ZCWPW2: variants seen among roughly 807,000 people sequenced by gnomAD.
The protein encoded by ZCWPW2 is zinc finger CW-type PWWP domain protein 2.
Under a neutral mutation model 46.6 loss-of-function variants are expected in ZCWPW2, and 45 were observed. The observed-to-expected ratio is 0.96, with a 90% CI of 0.76 to 1.24. ZCWPW2 has a LOEUF of 1.24. ZCWPW2 is among the 50% of genes most tolerant of loss of function. The probability of loss-of-function intolerance (pLI) is 0.00; values close to 1 mark genes in which losing one functional copy is unlikely to be tolerated. For missense variants in ZCWPW2, 429 were observed against 403.9 expected, an observed-to-expected ratio of 1.06 and a Z score of -0.53; for synonymous variants, 152 against 137.1, an observed-to-expected ratio of 1.11 and a Z score of -0.76.
intron 4 of ZCWPW2, among the ~76,000 whole-genome samples, chr3:28,438,360 A>G (rs1697583528): frequency 1.3e-5 from 2 of 152,184 alleles, no homozygotes; most frequent in South Asian, 4.1e-4. Flanking sequence ...AAAGCCAGAC[A>G]TTAAACATAG....
At position 28,348,888 on chromosome 3, in the gene ZCWPW2, G is replaced by T; in HGVS notation, c.-449G>T. 1 of 934,422 alleles carries T rather than the reference G, an allele frequency of 1.1e-6. No homozygotes were observed. Among genetic ancestry groups the T allele is most frequent in the Non-Finnish European group, 1.3e-6 (1 of 783,334 alleles). 57.9% of individuals were successfully genotyped at this position (934,422 alleles called of 1,614,324 possible). A position where few individuals can be genotyped will look rare whatever the true frequency, so the allele number is the denominator to read the frequency against. ...GAAGGCCCGTTACCCAGCAATACGC[G>T]CGCGAGACCCAGGCCCGCCGTCGGG... On this transcript the variant is annotated 5_prime_UTR_variant, in exon 1 of 10. Transcript: ENST00000383768.
At chr3:28,352,476 A>G (rs1241655532) in intron 1 of ZCWPW2, among the ~76,000 whole-genome samples, 1 of 151,982 alleles carries the variant, frequency 6.6e-6, no homozygotes. Flanking sequence ...AAATATGGGG[A>G]TACCTTATCT....
intron 4 of ZCWPW2, among the ~76,000 whole-genome samples, chr3:28,438,040 C>G (rs1242215060): frequency 6.6e-6 from 1 of 152,190 alleles, no homozygotes; most frequent in Non-Finnish European, 1.5e-5. Context: ...GTAGCAGCTA[C>G]CAGTCCCCAT....
chr3:28,506,021 A>G (rs2125827911), intron 6 of ZCWPW2, among the ~76,000 whole-genome samples: 2 of 149,990 alleles, frequency 1.3e-5, no homozygotes, highest in Non-Finnish European at 3.0e-5. Flanking sequence ...GTCCTTTGCA[A>G]TTAAAGGCAA....
intron 4 of ZCWPW2, among the ~76,000 whole-genome samples, chr3:28,467,681 C>G (rs1352310888): frequency 1.3e-5 from 2 of 152,176 alleles, no homozygotes; most frequent in African/African-American, 4.8e-5. Context: ...AGTCAAGGAA[C>G]ATGAGTCTCT....
Position 28,395,010 on chromosome 3 carries a change from A to T in ZCWPW2, c.-14+4393A>T, listed in dbSNP as rs539240378. ...AAAGTATTTGTAAGCCATACATCTG[A>T]TAAGGGGTTAATATCCAAAATTTGT... On this transcript the variant is annotated intron_variant, in intron 2 of 9. Transcript: ENST00000383768. 1.6e-4 allele frequency among the ~76,000 whole-genome samples: 25 copies of T among 152,266 alleles called. No homozygotes were observed. The East Asian group carries it at 4.6e-3, about 28-fold the overall frequency.
intron 1 of ZCWPW2, among the ~76,000 whole-genome samples, chr3:28,361,358 A>C (rs1233602801): frequency 6.6e-6 from 1 of 152,242 alleles, no homozygotes; most frequent in Non-Finnish European, 1.5e-5. Context: ...TTTATCTTAC[A>C]CCATACACAA....
At chr3:28,413,643 G>A (rs562529877) in intron 3 of ZCWPW2, among the ~76,000 whole-genome samples, 1 of 152,098 alleles carries the variant, frequency 6.6e-6, no homozygotes, top group African/African-American at 2.4e-5. Flanking sequence ...TCTCCAAGTA[G>A]TGTTGTAGCT....
At chr3:28,512,719 T>G (rs1700461888) in intron 6 of ZCWPW2, among the ~76,000 whole-genome samples, 1 of 152,028 alleles carries the variant, frequency 6.6e-6, no homozygotes, top group Admixed American at 6.6e-5. Context: ...TCTAATCAGC[T>G]CTTTAATTCA....
chr3:28,421,445 G>T (rs1696782831), intron 3 of ZCWPW2, among the ~76,000 whole-genome samples: 1 of 152,158 alleles, frequency 6.6e-6, no homozygotes, highest in Non-Finnish European at 1.5e-5. Flanking sequence ...TAAATGTGGA[G>T]GCCATATATT....
chr3:28,434,917 T>C (rs955932985), intron 3 of ZCWPW2, among the ~76,000 whole-genome samples, 193 bp from the exon 4 acceptor site: 3 of 152,190 alleles, frequency 2.0e-5, no homozygotes, highest in Admixed American at 1.3e-4. Context: ...TTTCAAAGCT[T>C]TCTATAACTA....
In ZCWPW2 at chr3:28,458,994, G is replaced by C. The variant is rs376983251; in HGVS notation, c.493-19820G>C. Among the ~76,000 whole-genome samples the C allele has an allele frequency of 3.3e-5, 5 of 152,020 alleles. No homozygotes were observed. The East Asian group carries it at 9.7e-4, about 29-fold the overall frequency. On this transcript the variant is annotated intron_variant, in intron 4 of 9. Transcript: ENST00000383768. ...GCCATTGTTCGTTTTGTGTTTTTTT[G>C]TTTGTTTATATTTGTTTGTTTTGAT...
At chr3:28,477,409 G>A (rs1214590170) in intron 4 of ZCWPW2, among the ~76,000 whole-genome samples, 1 of 152,128 alleles carries the variant, frequency 6.6e-6, no homozygotes, top group Non-Finnish European at 1.5e-5. Flanking sequence ...TGAATACTTT[G>A]TATAATATAC....
chr3:28,444,952 G>A (rs1475513424), intron 4 of ZCWPW2, among the ~76,000 whole-genome samples: 1 of 152,020 alleles, frequency 6.6e-6, no homozygotes, highest in Non-Finnish European at 1.5e-5. Flanking sequence ...ACACCAAGGA[G>A]TATCAGTGTT....
chr3:28,472,155 C>T (rs1699061875), intron 4 of ZCWPW2, among the ~76,000 whole-genome samples: 1 of 152,078 alleles, frequency 6.6e-6, no homozygotes, highest in Non-Finnish European at 1.5e-5. Flanking sequence ...CTACCCAAAG[C>T]AATCTACAGA....
chr3:28,388,073 G>A (rs976379371), intron 1 of ZCWPW2, among the ~76,000 whole-genome samples: 7 of 152,052 alleles, frequency 4.6e-5, no homozygotes, highest in East Asian at 1.9e-4. Context: ...AGTTTGAGCC[G>A]AAAGGTAATC....
At chr3:28,392,529 T>G (rs1695535205) in intron 2 of ZCWPW2, among the ~76,000 whole-genome samples, 1 of 152,130 alleles carries the variant, frequency 6.6e-6, no homozygotes, top group Non-Finnish European at 1.5e-5. Flanking sequence ...TTCTCACACA[T>G]GCACAGAACA....
intron 1 of ZCWPW2, among the ~76,000 whole-genome samples, chr3:28,383,162 A>G (rs1041546827): frequency 6.6e-6 from 1 of 152,120 alleles, no homozygotes; most frequent in Non-Finnish European, 1.5e-5. Flanking sequence ...TTAATACTCA[A>G]TAAGGTGTTT....
chr3:28,492,032 T>C (rs1699828760), intron 5 of ZCWPW2, 95 bp from the exon 6 acceptor site: 4 of 1,243,412 alleles, frequency 3.2e-6, no homozygotes, highest in South Asian at 1.4e-5. Flanking sequence ...ACAATAGTAA[T>C]GAGAAAGTAG....
Sources: gnomAD v4.1 joint callset for allele counts (sites outside exome capture counted in the v4.1 genomes callset) on GRCh38, gnomAD v4.1.1 for gene constraint, MANE v1.5 for transcripts, NCBI Gene and HGNC (gene_info 2026-07-23, HGNC 2026-07-21) for gene names.